Variants in KCNK9 observed in about 807,000 individuals in gnomAD.
KCNK9 encodes potassium two pore domain channel subfamily K member 9.
A neutral mutation model predicts 10.8 loss-of-function variants in KCNK9; 1 was observed. The observed-to-expected ratio is 0.09, with a 90% CI of 0.03 to 0.44. KCNK9 has a LOEUF of 0.44. Among genes scored for constraint, KCNK9 ranks in the 20% least tolerant of loss-of-function variants. The pLI is 0.97. For missense variants in KCNK9, 303 were observed against 515.0 expected, an observed-to-expected ratio of 0.59 and a Z score of 3.98; for synonymous variants, 231 against 222.7, an observed-to-expected ratio of 1.04 and a Z score of -0.33.
chr8:139,648,262 G>T (rs994940393), intron 1 of KCNK9, among the ~76,000 whole-genome samples: 2 of 152,156 alleles, frequency 1.3e-5, no homozygotes, highest in African/African-American at 4.8e-5. Flanking sequence ...AGGGGATGGG[G>T]AGGAGAGAAT....
At chr8:139,674,089 T>TG (rs1031110479) in intron 1 of KCNK9, among the ~76,000 whole-genome samples, 1 of 152,156 alleles carries the variant, frequency 6.6e-6, no homozygotes, top group Non-Finnish European at 1.5e-5. Context: ...GGGTGTATTG[T>TG]GGAATGAAGG....
chr8:139,621,320 T>G (rs1275136423), intron 1 of KCNK9, among the ~76,000 whole-genome samples: 1 of 148,256 alleles, frequency 6.7e-6, no homozygotes, highest in African/African-American at 2.5e-5. Context: ...CCAAATTTGA[T>G]GAAAGACACA....
chr8:139,701,587 C>A (rs1300672060), intron 1 of KCNK9, among the ~76,000 whole-genome samples: 2 of 152,130 alleles, frequency 1.3e-5, no homozygotes. Flanking sequence ...GGGTGTGAAG[C>A]CCTGAGGGGT....
chr8:139,668,845 A>G (rs989396477), intron 1 of KCNK9, among the ~76,000 whole-genome samples: 1 of 152,130 alleles, frequency 6.6e-6, no homozygotes, highest in Non-Finnish European at 1.5e-5. Flanking sequence ...AGGGCTGCAC[A>G]TGTCATTTCT....
intron 1 of KCNK9, among the ~76,000 whole-genome samples, chr8:139,633,957 G>A (rs900656349): frequency 1.3e-5 from 2 of 152,254 alleles, no homozygotes; most frequent in Non-Finnish European, 2.9e-5. Context: ...CATCGAGCCT[G>A]TCCCAAGCAT....
chr8:139,622,175 C>T (rs567930600), intron 1 of KCNK9, among the ~76,000 whole-genome samples: 28 of 152,184 alleles, frequency 1.8e-4, no homozygotes, highest in South Asian at 8.3e-4. Context: ...TGGTAAGACA[C>T]GTGCATGAGA....
At chr8:139,670,604 T>C (rs1198316940) in intron 1 of KCNK9, among the ~76,000 whole-genome samples, 2 of 152,092 alleles carry the variant, frequency 1.3e-5, no homozygotes, top group Non-Finnish European at 2.9e-5. Context: ...TGAACATCCA[T>C]CAATTTGGGT....
downstream of KCNK9, among the ~76,000 whole-genome samples, chr8:139,609,106 A>ACCCCCTCCCCCC (rs1554617339): frequency 8.1e-6 from 1 of 123,852 alleles, no homozygotes; most frequent in African/African-American, 3.2e-5. Context: ...GACCCATCCC[A>ACCCCCTCCCCCC]CCCCACCCCG....
intron 1 of KCNK9, among the ~76,000 whole-genome samples, chr8:139,672,936 G>A (rs1345646675): frequency 6.6e-6 from 1 of 152,216 alleles, no homozygotes. Context: ...GCGGGAGAGG[G>A]CAGGCTCATG....
intron 1 of KCNK9, among the ~76,000 whole-genome samples, chr8:139,621,091 T>C (rs576294211): frequency 3.9e-5 from 6 of 152,260 alleles, no homozygotes; most frequent in African/African-American, 1.4e-4. Flanking sequence ...GAGACCAGCC[T>C]GGCCAACATG....
intron 1 of KCNK9, among the ~76,000 whole-genome samples, chr8:139,638,159 C>T (rs576577045): frequency 1.3e-5 from 2 of 152,020 alleles, no homozygotes; most frequent in South Asian, 4.2e-4. Flanking sequence ...CATCAAGCTC[C>T]TTATTCATCC....
chr8:139,644,302 C>T (rs142395148), intron 1 of KCNK9, among the ~76,000 whole-genome samples: 27 of 152,358 alleles, frequency 1.8e-4, no homozygotes, highest in South Asian at 1.4e-3. Context: ...ATTCAACCAA[C>T]GTCCTCAGAA....
downstream of KCNK9, among the ~76,000 whole-genome samples, chr8:139,609,521 G>C (rs1185687968): frequency 6.6e-6 from 1 of 152,166 alleles, no homozygotes; most frequent in Non-Finnish European, 1.5e-5. Flanking sequence ...AAAGGTAAAT[G>C]CTGGGCAGGG....
chr8:139,644,169 C>A (rs759612932), intron 1 of KCNK9, among the ~76,000 whole-genome samples: 22 of 152,204 alleles, frequency 1.4e-4, no homozygotes, highest in Non-Finnish European at 2.9e-4. Flanking sequence ...CCCTGTCCAA[C>A]TGATGTGGAA....
chr8:139,626,277 A>G (rs1586641020), intron 1 of KCNK9, among the ~76,000 whole-genome samples: 1 of 152,026 alleles, frequency 6.6e-6, no homozygotes, highest in Admixed American at 6.6e-5. Context: ...AAAGGGTAAA[A>G]CCTCTGCCCT....
chr8:139,666,434 C>T (rs1342446647), intron 1 of KCNK9, among the ~76,000 whole-genome samples: 2 of 152,220 alleles, frequency 1.3e-5, no homozygotes, highest in African/African-American at 4.8e-5. Flanking sequence ...TTAAATGAGT[C>T]GGCCGTCCGG....
In KCNK9 at chr8:139,621,161, C is replaced by T. The variant is rs144223910; in HGVS notation, c.284-2062G>A. ...CAAAAATTAGCCAGGTGTGGTGGCA[C>T]ACACCTGTAGCCCTAACTACACAGG... On this transcript the variant is annotated intron_variant, in intron 1 of 1. Coordinates refer to ENST00000520439, the MANE Select transcript of KCNK9 (RefSeq NM_001282534.2). Among the ~76,000 whole-genome samples, 480 of 152,082 alleles carry T rather than the reference C, an allele frequency of 3.2e-3. 3 individuals carry two copies. The highest frequency in any genetic ancestry group is 0.011 in the African/African-American group (453 of 41,474).
chr8:139,695,818 C>G (rs1817036660), intron 1 of KCNK9, among the ~76,000 whole-genome samples: 1 of 152,186 alleles, frequency 6.6e-6, no homozygotes, highest in Non-Finnish European at 1.5e-5. Context: ...CATTGCATCT[C>G]TTTCTCCATG....
At position 139,618,529 on chromosome 8, in the gene KCNK9, C is replaced by G. The variant is rs574923557; in HGVS notation, c.854G>C (p.Arg285Thr). 6.2e-7 allele frequency: 1 copy of G among 1,613,550 alleles called. No homozygotes were observed. The highest frequency in any genetic ancestry group is 1.7e-5 in the Admixed American group (1 of 60,030). The change falls in exon 2 of 2, where the codon AGG becomes ACG. Residue 285 changes from arginine (R) to threonine (T), a missense_variant. Physicochemically the swap from Arg to Thr is moderately conservative, Grantham distance 71. Coordinates refer to ENST00000520439, the MANE Select transcript of KCNK9 (RefSeq NM_001282534.2). The surrounding 1 kb of genome is among the most constrained non-coding windows in gnomAD (Gnocchi z 7.9). ...IPEEPRPSRP[R>T]YKADVPDLQS... ...CAGGTCCGGGACGTCCGCCTTGTAC[C>G]TGGGCCGGCTGGGCCGCGGCTCCTC...
Sources: gnomAD v4.1 joint callset for allele counts (sites outside exome capture counted in the v4.1 genomes callset) on GRCh38, gnomAD v4.1.1 for gene constraint, Gnocchi (gnomAD v3.1) non-coding constraint, MANE v1.5 for transcripts, NCBI Gene and HGNC (gene_info 2026-07-23, HGNC 2026-07-21) for gene names.